The following RAP1GAP2 variants were observed in gnomAD, a reference collection of about 807,000 sequenced individuals.
RAP1GAP2 encodes the protein RAP1 GTPase activating protein 2.
RAP1GAP2 carries 27 observed loss-of-function variants against 95.0 expected under a neutral mutation model. The observed-to-expected ratio is 0.28, with a 90% CI of 0.21 to 0.39. The LOEUF (loss-of-function observed/expected upper bound fraction) is 0.39, where lower values mean the gene tolerates loss of function less well. RAP1GAP2 is among the 10% of genes least tolerant of loss of function. The pLI is 1.00. For missense variants in RAP1GAP2, 771 were observed against 970.0 expected (o/e 0.79, Z 2.72); for synonymous variants, 373 against 380.9 (o/e 0.98, Z 0.24).
At chr17:2,767,835 C>A (rs545522816) in intron 1 of RAP1GAP2, among the ~76,000 whole-genome samples, 14 of 151,860 alleles carry the variant, frequency 9.2e-5, no homozygotes, top group Middle Eastern at 3.4e-3. Context: ...CAGGTTCACG[C>A]TATTCTCCTG....
intron 2 of RAP1GAP2, among the ~76,000 whole-genome samples, chr17:2,840,378 G>A (rs1189387647): frequency 6.6e-6 from 1 of 152,004 alleles, no homozygotes; most frequent in Non-Finnish European, 1.5e-5. Context: ...GGCCAGGCTG[G>A]TCTCAAACTC....
rs928278618 is a variant in RAP1GAP2 at position 2,872,000 on chromosome 17, A to C, written c.81-33284A>C. Reference sequence around the variant, plus strand: ...GCGCTTTTGGAGGCTGAGGTGGGTGAATCACCTGAGGCCAGGAATTCGAGA... The same window carrying C: ...GCGCTTTTGGAGGCTGAGGTGGGTGCATCACCTGAGGCCAGGAATTCGAGA... On this transcript the variant is annotated intron_variant, in intron 2 of 24. Coordinates refer to ENST00000254695, the MANE Select transcript of RAP1GAP2 (RefSeq NM_015085.5). This position sits in a 1 kb window ranked among gnomAD's most constrained non-coding sequence, Gnocchi z 5.0. 2.0e-5 allele frequency among the ~76,000 whole-genome samples: 3 copies of C among 151,958 alleles called. No homozygotes were observed. Among genetic ancestry groups the C allele is most frequent in the South Asian group, 4.2e-4 (2 of 4,812 alleles).
chr17:3,018,167 A>G lies in RAP1GAP2; in HGVS notation c.1601A>G (p.Asn534Ser), dbSNP rs763191794. 1.9e-6 allele frequency: 3 copies of G among 1,579,168 alleles called. No homozygotes were observed. Among genetic ancestry groups the G allele is most frequent in the South Asian group, 2.3e-5 (2 of 86,298 alleles). ...PGSLSGGISHNSMEVTKTTFS... is the reference protein window; with the variant it reads ...PGSLSGGISHSSMEVTKTTFS... ...AGCCTCAGCGGGGGCATCTCCCACA[A>G]CAGCATGGAGGTCACCAAGACCACC... Residue 534 changes from asparagine (N) to serine (S), a missense_variant, in exon 18 of 25, where the codon AAC becomes AGC. Asn to Ser is a conservative substitution (Grantham distance 46). Coordinates refer to ENST00000254695, the MANE Select transcript of RAP1GAP2 (RefSeq NM_015085.5).
In RAP1GAP2 at chr17:2,857,906, C is replaced by T. The variant is rs1378338836; in HGVS notation, c.81-47378C>T. Among the ~76,000 whole-genome samples the T allele has an allele frequency of 6.6e-6, 1 of 152,162 alleles. No homozygotes were observed. Among genetic ancestry groups the T allele is most frequent in the African/African-American group, 2.4e-5 (1 of 41,442 alleles). Reference sequence around the variant, plus strand: ...CCTGAGGTCAGGAGTTGAAAACCACCCTGGCCAACATGGCAAAAACCCATC... The same window carrying T: ...CCTGAGGTCAGGAGTTGAAAACCACTCTGGCCAACATGGCAAAAACCCATC... On this transcript the variant is annotated intron_variant, in intron 2 of 24. Coordinates refer to ENST00000254695, the MANE Select transcript of RAP1GAP2 (RefSeq NM_015085.5). The surrounding 1 kb of genome is among the most constrained non-coding windows in gnomAD (Gnocchi z 4.0).
intron 3 of RAP1GAP2, among the ~76,000 whole-genome samples, chr17:2,912,811 GATTTA>G (rs1262517535): frequency 6.6e-6 from 1 of 152,202 alleles, no homozygotes; most frequent in Non-Finnish European, 1.5e-5. Flanking sequence ...GTTCACATCT[GATTTA>G]ATGCAGGCAT....
chr17:2,923,204 T>C (rs1019689857), intron 3 of RAP1GAP2, among the ~76,000 whole-genome samples: 2 of 151,848 alleles, frequency 1.3e-5, no homozygotes, highest in Non-Finnish European at 2.9e-5. Context: ...CACACCCAGT[T>C]AATTTTTGTA....
intron 3 of RAP1GAP2, among the ~76,000 whole-genome samples, chr17:2,923,561 T>A (rs955370107): frequency 6.6e-6 from 1 of 151,710 alleles, no homozygotes; most frequent in East Asian, 1.9e-4. Flanking sequence ...CTCGAACTCC[T>A]GACCTCAGGT....
Position 2,855,648 on chromosome 17 carries a change from G to T in RAP1GAP2, c.81-49636G>T, listed in dbSNP as rs1375552220. On this transcript the variant is annotated intron_variant, in intron 2 of 24. Coordinates refer to ENST00000254695, the MANE Select transcript of RAP1GAP2 (RefSeq NM_015085.5). The surrounding 1 kb of genome is among the most constrained non-coding windows in gnomAD (Gnocchi z 4.3). The stretch of plus-strand genomic sequence containing the variant: ...TATTTTTGAGGAGGAGTCTCACTCT[G>T]TTAGCCCAAGCTGGAGTACAGTGGC... Among the ~76,000 whole-genome samples the T allele has an allele frequency of 2.0e-5, 3 of 152,152 alleles. No individual in the cohort carries two copies. The highest frequency in any genetic ancestry group is 7.2e-5 in the African/African-American group (3 of 41,440).
intron 2 of RAP1GAP2, among the ~76,000 whole-genome samples, chr17:2,875,525 G>T (rs2151651776): frequency 6.6e-6 from 1 of 152,286 alleles, no homozygotes; most frequent in South Asian, 2.1e-4. Flanking sequence ...GCATCAGTTA[G>T]TTTAGGGCTC....
At chr17:3,026,326 G>A in intron 20 of RAP1GAP2, 24 bp from the exon 21 acceptor site, 1 of 1,532,254 alleles carries the variant, frequency 6.5e-7, no homozygotes, top group Non-Finnish European at 8.8e-7. Flanking sequence ...GACCCGGGCT[G>A]GCCTCACTTC....
chr17:2,977,006 G>T (rs2045148502), intron 8 of RAP1GAP2, among the ~76,000 whole-genome samples: 1 of 151,624 alleles, frequency 6.6e-6, no homozygotes, highest in South Asian at 2.1e-4. Context: ...GCGAGTTGGC[G>T]GGCACCTGTA....
chr17:2,845,780 G>A (rs1324162207), intron 2 of RAP1GAP2, among the ~76,000 whole-genome samples: 1 of 152,036 alleles, frequency 6.6e-6, no homozygotes, highest in African/African-American at 2.4e-5. Flanking sequence ...AGAATCGCTT[G>A]AACCCTGTAG....
At chr17:2,800,494 C>T in intron 1 of RAP1GAP2, 21 bp from the exon 2 acceptor site, 3 of 1,610,822 alleles carry the variant, frequency 1.9e-6, no homozygotes, top group Non-Finnish European at 1.7e-6. Context: ...CTGACCGGAG[C>T]CCTTGCTTTT....
chr17:2,781,708 CTG>C (rs946586559), intron 1 of RAP1GAP2, among the ~76,000 whole-genome samples: 1 of 136,004 alleles, frequency 7.4e-6, no homozygotes, highest in African/African-American at 2.8e-5. Context: ...GTGCACGTCT[CTG>C]TGTGAGCACG....
intron 1 of RAP1GAP2, among the ~76,000 whole-genome samples, chr17:2,780,298 G>A (rs912569877): frequency 4.6e-5 from 7 of 152,186 alleles, no homozygotes; most frequent in Admixed American, 1.3e-4. Context: ...TGATCCGCCC[G>A]CCCTGGCCTC....
At chr17:2,767,764 A>C (rs1164201161) in intron 1 of RAP1GAP2, among the ~76,000 whole-genome samples, 2 of 143,548 alleles carry the variant, frequency 1.4e-5, no homozygotes, top group African/African-American at 2.6e-5. Flanking sequence ...AGATGGACTC[A>C]CTCTCTCTCC....
Position 2,855,386 on chromosome 17 carries a change from C to G in RAP1GAP2, c.81-49898C>G, listed in dbSNP as rs899578598. Among the ~76,000 whole-genome samples the G allele has an allele frequency of 6.6e-6, 1 of 152,206 alleles. No individual in the cohort carries two copies. The highest frequency in any genetic ancestry group is 2.4e-5 in the African/African-American group (1 of 41,442). On this transcript the variant is annotated intron_variant, in intron 2 of 24. Transcript: ENST00000254695. The surrounding 1 kb of genome is among the most constrained non-coding windows in gnomAD (Gnocchi z 4.3). Reference sequence around the variant, plus strand: ...GCCTTTAACACATTTTAAACACTTGCTAATCTTCCTTTTGTAATTAAGAGA... The same window carrying G: ...GCCTTTAACACATTTTAAACACTTGGTAATCTTCCTTTTGTAATTAAGAGA...
chr17:2,896,556 A>G (rs1476339819), intron 2 of RAP1GAP2, among the ~76,000 whole-genome samples: 4 of 152,200 alleles, frequency 2.6e-5, no homozygotes, highest in African/African-American at 9.6e-5. Flanking sequence ...ATCAGTTCTA[A>G]AAGCTGCTTG....
At chr17:2,915,810 G>C (rs533735007) in intron 3 of RAP1GAP2, among the ~76,000 whole-genome samples, 29 of 152,166 alleles carry the variant, frequency 1.9e-4, no homozygotes, top group Admixed American at 1.3e-3. Context: ...CGATTCTCCT[G>C]CCTCAGCTTT....
Sources: allele counts gnomAD v4.1 joint callset (sites outside exome capture counted in the v4.1 genomes callset), GRCh38; gene constraint gnomAD v4.1.1; non-coding constraint Gnocchi (gnomAD v3.1); transcripts MANE v1.5; gene names NCBI Gene and HGNC (gene_info 2026-07-23, HGNC 2026-07-21).